Variants in ARL15 observed in about 807,000 individuals in gnomAD.
ARL15 encodes ARF like GTPase 15, also known as ADP-ribosylation factor-like protein 15.
A neutral mutation model predicts 25.2 loss-of-function variants in ARL15; 19 were observed. The ratio of observed to expected loss-of-function variants is 0.75; its 90% CI spans 0.53 to 1.10. The LOEUF (loss-of-function observed/expected upper bound fraction) is 1.10, where lower values mean the gene tolerates loss of function less well. Ranked by LOEUF, ARL15 falls within the 50% of genes least tolerant of loss-of-function variation. ARL15 has a pLI of 0.00. For synonymous variants in ARL15, 94 were observed against 86.8 expected, an observed-to-expected ratio of 1.08 and a Z score of -0.46; for missense variants, 220 against 246.0, an observed-to-expected ratio of 0.89 and a Z score of 0.71.
chr5:54,127,864 G>T (rs374823302), intron 3 of ARL15, among the ~76,000 whole-genome samples: 9 of 150,798 alleles, frequency 6.0e-5, no homozygotes, highest in African/African-American at 1.9e-4. Context: ...AAATAATGCC[G>T]CATATCTACA....
intron 4 of ARL15, among the ~76,000 whole-genome samples, chr5:53,978,605 G>A (rs1748017340): frequency 7.8e-6 from 1 of 127,492 alleles, no homozygotes; most frequent in African/African-American, 2.8e-5. Flanking sequence ...GAGCAACACA[G>A]GGAGACCCTG....
intron 4 of ARL15, among the ~76,000 whole-genome samples, chr5:54,090,098 T>C (rs1414292592): frequency 6.6e-6 from 1 of 152,180 alleles, no homozygotes; most frequent in Admixed American, 6.5e-5. Context: ...TGGTTGTACA[T>C]ATACAAATGT....
chr5:54,212,307 G>T (rs1756065537), intron 1 of ARL15, among the ~76,000 whole-genome samples: 1 of 152,106 alleles, frequency 6.6e-6, no homozygotes, highest in South Asian at 2.1e-4. Flanking sequence ...TAGTAAGAAG[G>T]GCACATCAGC....
intron 4 of ARL15, among the ~76,000 whole-genome samples, chr5:54,054,565 C>T (rs6899282): frequency 0.19 from 29,134 of 152,044 alleles, 3,403 homozygotes; most frequent in African/African-American, 0.34. Context: ...CCGAGGCGGG[C>T]GGACCACAAG....
At chr5:54,271,163 C>A (rs141628953) in intron 1 of ARL15, among the ~76,000 whole-genome samples, 41 of 152,308 alleles carry the variant, frequency 2.7e-4, no homozygotes, top group Admixed American at 7.8e-4. Flanking sequence ...CTGAGCCACA[C>A]TACCAGCATC....
At chr5:54,310,302 C>G in intron 1 of ARL15, 130 bp downstream of exon 1, 1 of 1,067,864 alleles carries the variant, frequency 9.4e-7, no homozygotes, top group Non-Finnish European at 1.3e-6. Flanking sequence ...TACCAGCCGG[C>G]TGCGGGAGAA....
chr5:54,163,826 G>A (rs919337139), intron 2 of ARL15, among the ~76,000 whole-genome samples: 1 of 151,818 alleles, frequency 6.6e-6, no homozygotes, highest in African/African-American at 2.4e-5. Flanking sequence ...AGTTTTACCA[G>A]TTTTACTGAC....
In ARL15 at chr5:53,907,978, T is replaced by C. The variant is rs1267109538; in HGVS notation, c.463-21265A>G. Among the ~76,000 whole-genome samples the C allele has an allele frequency of 2.0e-5, 3 of 152,174 alleles. No homozygotes were observed. In the East Asian group the frequency reaches 5.8e-4, roughly 29 times the overall value. On this transcript the variant is annotated intron_variant, in intron 4 of 4. Coordinates refer to ENST00000504924, the MANE Select transcript of ARL15 (RefSeq NM_019087.3). Reference sequence around the variant, plus strand: ...TTTTTTCAACAGTTAACTATCTTGTTTCAGACTTCTCATCCTCAAGCATCA... The same window carrying C: ...TTTTTTCAACAGTTAACTATCTTGTCTCAGACTTCTCATCCTCAAGCATCA...
intron 1 of ARL15, among the ~76,000 whole-genome samples, chr5:54,272,620 A>G (rs1373411278): frequency 6.6e-6 from 1 of 152,174 alleles, no homozygotes; most frequent in Middle Eastern, 3.2e-3. Flanking sequence ...TCTCCACCTA[A>G]ACACATAGCT....
chr5:53,942,984 GA>G (rs1333415844), intron 4 of ARL15, among the ~76,000 whole-genome samples: 2 of 152,126 alleles, frequency 1.3e-5, no homozygotes, highest in African/African-American at 4.8e-5. Flanking sequence ...ATGACTTCAA[GA>G]GGGAAAATGG....
intron 4 of ARL15, among the ~76,000 whole-genome samples, chr5:53,965,930 G>A (rs1243164271): frequency 6.6e-6 from 1 of 152,136 alleles, no homozygotes; most frequent in Non-Finnish European, 1.5e-5. Flanking sequence ...GCTCTGCAGT[G>A]TATTAAAAGG....
intron 4 of ARL15, among the ~76,000 whole-genome samples, chr5:54,056,985 C>A (rs976880319): frequency 2.6e-5 from 4 of 151,400 alleles, no homozygotes; most frequent in Non-Finnish European, 4.4e-5. Context: ...TGAACATACA[C>A]ATACGAACAT....
In ARL15 at chr5:53,935,684, A is replaced by G. The variant is rs371798233; in HGVS notation, c.463-48971T>C. Among the ~76,000 whole-genome samples the G allele has an allele frequency of 1.8e-4, 28 of 152,352 alleles. 1 individual carries two copies. The South Asian group carries it at 5.2e-3, about 28-fold the overall frequency. ...ATTCACATCTGATTTGCATGTTGAC[A>G]GCCATATTTCCCCAAAGTAAACAAC... On this transcript the variant is annotated intron_variant, in intron 4 of 4. Coordinates refer to ENST00000504924, the MANE Select transcript of ARL15 (RefSeq NM_019087.3).
At chr5:54,132,168 A>G (rs1753458078) in intron 3 of ARL15, among the ~76,000 whole-genome samples, 1 of 152,180 alleles carries the variant, frequency 6.6e-6, no homozygotes, top group Non-Finnish European at 1.5e-5. Flanking sequence ...TACATGGAAA[A>G]ATATCCCAAT....
chr5:53,986,907 C>A (rs755812153), intron 4 of ARL15, among the ~76,000 whole-genome samples: 1 of 152,086 alleles, frequency 6.6e-6, no homozygotes, highest in Non-Finnish European at 1.5e-5. Context: ...TAAGGAATAT[C>A]CAGTACAATG....
chr5:54,085,241 T>A (rs1052349796), intron 4 of ARL15, among the ~76,000 whole-genome samples: 1 of 152,218 alleles, frequency 6.6e-6, no homozygotes, highest in Non-Finnish European at 1.5e-5. Context: ...CAAAAGATAC[T>A]ACAGAACAAT....
chr5:54,245,324 G>A (rs1311783979), intron 1 of ARL15, among the ~76,000 whole-genome samples: 1 of 152,132 alleles, frequency 6.6e-6, no homozygotes, highest in African/African-American at 2.4e-5. Flanking sequence ...TTATTCAACT[G>A]GGCAGAAATC....
At chr5:54,116,136 T>C (rs997127112) in intron 3 of ARL15, among the ~76,000 whole-genome samples, 1 of 152,218 alleles carries the variant, frequency 6.6e-6, no homozygotes, top group East Asian at 1.9e-4. Flanking sequence ...CACCCTTGTA[T>C]AGTCATTAGC....
At chr5:54,293,869 G>T (rs978268063) in intron 1 of ARL15, among the ~76,000 whole-genome samples, 1 of 151,412 alleles carries the variant, frequency 6.6e-6, no homozygotes, top group African/African-American at 2.4e-5. Context: ...TCACTCTGTC[G>T]CCAGGCTGGA....
Sources: gnomAD v4.1 joint callset for allele counts (sites outside exome capture counted in the v4.1 genomes callset) on GRCh38, gnomAD v4.1.1 for gene constraint, MANE v1.5 for transcripts, NCBI Gene and HGNC (gene_info 2026-07-23, HGNC 2026-07-21) for gene names.